Variants in INPP5B observed in about 807,000 individuals in gnomAD.
INPP5B encodes inositol polyphosphate-5-phosphatase B.
A neutral mutation model predicts 118.5 loss-of-function variants in INPP5B; 90 were observed. That is an observed-to-expected ratio of 0.76 (90% CI 0.64 to 0.90). The LOEUF (loss-of-function observed/expected upper bound fraction) is 0.90, where lower values mean the gene tolerates loss of function less well. Ranked by LOEUF, INPP5B falls within the 40% of genes least tolerant of loss-of-function variation. The pLI is 0.00. For synonymous variants in INPP5B, 385 were observed against 418.9 expected (o/e 0.92, Z 0.99); for missense variants, 984 against 1,125.6 (o/e 0.87, Z 1.80).
At position 37,866,654 on chromosome 1, in the gene INPP5B, C is replaced by A. The variant is rs561468527; in HGVS notation, c.2302-111G>T. 268 of 693,724 alleles carry A rather than the reference C, an allele frequency of 3.9e-4. 1 individual carries two copies. The highest frequency in any genetic ancestry group is 2.3e-3 in the South Asian group (146 of 62,590). The allele number at this position is 693,724 out of a possible 1,614,324, so 43.0% of individuals were successfully genotyped here. A position where few individuals can be genotyped will look rare whatever the true frequency, so the allele number is the denominator to read the frequency against. On this transcript the variant is annotated intron_variant, in intron 20 of 23. Transcript: ENST00000373024. ...TGCAAAAAGGAGCAGTGTGGTGAGG[C>A]CTCTGAATCACCTGACAGATGATCT... is the stretch of plus-strand genomic sequence containing the variant.
intron 7 of INPP5B, among the ~76,000 whole-genome samples, chr1:37,920,832 C>T (rs551057730): frequency 1.3e-5 from 2 of 150,520 alleles, no homozygotes; most frequent in Non-Finnish European, 1.5e-5. Flanking sequence ...CTCGGCCAGG[C>T]GCGGTGGCTC....
Position 37,866,559 on chromosome 1 carries a change from C to T in INPP5B, c.2302-16G>A. ...ACAGATCTTCCTGCAAAAGGGAAGACAGTAACAAAATAATTATTTTCTCAG... is the reference window on the plus strand; with the variant it reads ...ACAGATCTTCCTGCAAAAGGGAAGATAGTAACAAAATAATTATTTTCTCAG... On this transcript the variant is annotated splice_polypyrimidine_tract_variant and intron_variant, in intron 20 of 23. Transcript: ENST00000373024. 2.0e-6 allele frequency: 3 copies of T among 1,470,364 alleles called. No individual in the cohort carries two copies. The highest frequency in any genetic ancestry group is 2.9e-6 in the Non-Finnish European group (3 of 1,049,132). The allele number at this position is 1,470,364 out of a possible 1,614,324, so 91.1% of individuals were successfully genotyped here. A position where few individuals can be genotyped will look rare whatever the true frequency, so the allele number is the denominator to read the frequency against.
At chr1:37,925,533 G>C (rs976247018) in intron 7 of INPP5B, among the ~76,000 whole-genome samples, 1 of 152,222 alleles carries the variant, frequency 6.6e-6, no homozygotes, top group Non-Finnish European at 1.5e-5. Context: ...CCACTGTGCC[G>C]GGCTAACAGT....
chr1:37,939,194 CAAAAAAA>C (rs34249747), intron 6 of INPP5B, among the ~76,000 whole-genome samples: 5 of 73,034 alleles, frequency 6.8e-5, no homozygotes, highest in Non-Finnish European at 7.9e-5. Context: ...AACTCCGTCT[CAAAAAAA>C]AAAAAAAAAA....
At chr1:37,941,144 T>C (rs1206613647) in intron 5 of INPP5B, among the ~76,000 whole-genome samples, 3 of 152,110 alleles carry the variant, frequency 2.0e-5, no homozygotes, top group South Asian at 4.1e-4. Context: ...AGAGGGAATG[T>C]CCATGGGTCA....
In INPP5B at chr1:37,884,295, A is replaced by C. The variant is rs2148501282; in HGVS notation, c.1319+1343T>G. On this transcript the variant is annotated intron_variant, in intron 13 of 23. Transcript: ENST00000373024. ...TGCTGTTTTGTCATATTCTCTGCTCAAAATAAACTTTTCCTTCTCCTTTCT... is the reference window on the plus strand; with the variant it reads ...TGCTGTTTTGTCATATTCTCTGCTCCAAATAAACTTTTCCTTCTCCTTTCT... The C allele has an allele frequency of 3.9e-5, 6 of 152,232 alleles. No homozygotes were observed. The South Asian group carries it at 1.2e-3, about 32-fold the overall frequency. 9.4% of individuals were successfully genotyped at this position (152,232 alleles called of 1,614,324 possible).
At chr1:37,897,235 C>T (rs1336711531) in intron 7 of INPP5B, among the ~76,000 whole-genome samples, 1 of 151,240 alleles carries the variant, frequency 6.6e-6, no homozygotes, top group African/African-American at 2.4e-5. Context: ...GGGAGGTGTA[C>T]CCAACAGCTC....
chr1:37,867,363 T>A (rs1261317138), intron 20 of INPP5B, among the ~76,000 whole-genome samples: 1 of 152,242 alleles, frequency 6.6e-6, no homozygotes, highest in Non-Finnish European at 1.5e-5. Flanking sequence ...GCTCAAAAGT[T>A]CCATTTGAAA....
intron 10 of INPP5B, 64 bp downstream of exon 10, chr1:37,888,179 C>A: frequency 3.0e-6 from 3 of 1,003,848 alleles, no homozygotes; most frequent in South Asian, 5.1e-5. Context: ...TTGTGAAGAC[C>A]CATCCTTCAA....
intron 16 of INPP5B, among the ~76,000 whole-genome samples, chr1:37,876,445 G>C (rs1389384361): frequency 6.7e-6 from 1 of 149,456 alleles, no homozygotes; most frequent in East Asian, 2.0e-4. Context: ...AAATGAGAAG[G>C]CTCATGCCTG....
At position 37,915,534 on chromosome 1, in the gene INPP5B, T is replaced by C. The variant is rs115875619; in HGVS notation, c.532+16379A>G. Among the ~76,000 whole-genome samples the C allele has an allele frequency of 4.4e-3, 673 of 152,260 alleles. 7 individuals are homozygous for C. The highest frequency in any genetic ancestry group is 0.016 in the African/African-American group (652 of 41,546). On this transcript the variant is annotated intron_variant, in intron 7 of 23. Coordinates refer to ENST00000373024, the MANE Select transcript of INPP5B (RefSeq NM_005540.3). ...GGACTTCAGAACTGCTGATAAGGGA[T>C]TGAGGATGGTAGTTAATGAGCATGG...
In INPP5B at chr1:37,917,042, G is replaced by C. The variant is rs1441527415; in HGVS notation, c.532+14871C>G. 2.0e-5 allele frequency among the ~76,000 whole-genome samples: 3 copies of C among 150,828 alleles called. No homozygotes were observed. In the East Asian group the frequency reaches 6.2e-4, roughly 31 times the overall value. On this transcript the variant is annotated intron_variant, in intron 7 of 23. Transcript: ENST00000373024. ...CCAGTGGCTCATGCCTGTAATCCTAGCACTTTGGGAGGCCGAGGCAAGCAG... is the reference window on the plus strand; with the variant it reads ...CCAGTGGCTCATGCCTGTAATCCTACCACTTTGGGAGGCCGAGGCAAGCAG...
chr1:37,864,775 A>G, intron 22 of INPP5B: 1 of 171,244 alleles, frequency 5.8e-6, no homozygotes, highest in South Asian at 1.6e-4. Flanking sequence ...GTAAGTAGAG[A>G]GAACACTTTA....
At chr1:37,903,062 C>T (rs1644387421) in intron 7 of INPP5B, among the ~76,000 whole-genome samples, 1 of 152,038 alleles carries the variant, frequency 6.6e-6, no homozygotes. Flanking sequence ...TAACTTAAAT[C>T]ATTTTATCAG....
Position 37,880,103 on chromosome 1 carries a change from G to A in INPP5B, c.1523C>T (p.Ser508Phe). 2 of 1,609,490 alleles carry A rather than the reference G, an allele frequency of 1.2e-6. No homozygotes were observed. Among genetic ancestry groups the A allele is most frequent in the Non-Finnish European group, 1.7e-6 (2 of 1,176,570 alleles). The change falls in exon 15 of 24, where the codon TCT becomes TTT. Residue 508 changes from serine (S) to phenylalanine (F), a missense_variant. Ser to Phe is a radical substitution (Grantham distance 155, BLOSUM62 -2). This residue lies in a region of INPP5B where 634 missense variants were observed against 791.0 expected (regional missense o/e 0.80). Coordinates refer to ENST00000373024, the MANE Select transcript of INPP5B (RefSeq NM_005540.3). The stretch of plus-strand genomic sequence containing the variant: ...GACCTACCTGGTATCCCAGTCGTCA[G>A]AGCCCGTATCATACTTGTAAGTAGG... ...FQPTYKYDTG[S>F]DDWDTSEKCR...
chr1:37,873,102 G>C lies in INPP5B; in HGVS notation c.2015C>G (p.Ser672Trp). The C allele has an allele frequency of 1.2e-6, 2 of 1,614,036 alleles. No homozygotes were observed. The highest frequency in any genetic ancestry group is 2.2e-5 in the East Asian group (1 of 44,878). ...AATGTCCTCAATTTTGTCTTCACCCGAGTTGAGCTTTGTAGCTGTCATCTT... is the reference window on the plus strand; with the variant it reads ...AATGTCCTCAATTTTGTCTTCACCCCAGTTGAGCTTTGTAGCTGTCATCTT... ...VNKMTATKLN[S>W]GEDKIEDILV... The change falls in exon 19 of 24, where the codon TCG (serine) becomes TGG (tryptophan). Residue 672 changes from serine (S) to tryptophan (W), a missense_variant. By Grantham distance (177) the Ser-to-Trp change is radical. This residue lies in a region of INPP5B where 634 missense variants were observed against 791.0 expected (regional missense o/e 0.80). Transcript: ENST00000373024.
intron 19 of INPP5B, among the ~76,000 whole-genome samples, chr1:37,871,527 G>A (rs1642437359): frequency 6.6e-6 from 1 of 152,042 alleles, no homozygotes; most frequent in Admixed American, 6.6e-5. Context: ...CAACACTTTG[G>A]AAAGCTGAGG....
Position 37,876,552 on chromosome 1 carries a change from TAAAAAAAAA to T in INPP5B, c.1678-845_1678-837del, listed in dbSNP as rs34854182. ...GCAAGACAGCAAGATGCTGTCTCTT[TAAAAAAAAA>T]AAAAAAAAAAAAAAAAAAAAGGGCC... On this transcript the variant is annotated intron_variant, in intron 16 of 23. Coordinates refer to ENST00000373024, the MANE Select transcript of INPP5B (RefSeq NM_005540.3). Among the ~76,000 whole-genome samples, 5 of 54,592 alleles carry T rather than the reference TAAAAAAAAA, an allele frequency of 9.2e-5. No individual in the cohort carries two copies. The East Asian group carries it at 3.1e-3, about 34-fold the overall frequency. 35.8% of individuals were successfully genotyped at this position (54,592 alleles called of 152,430 possible). A position where few individuals can be genotyped will look rare whatever the true frequency, so the allele number is the denominator to read the frequency against.
chr1:37,927,390 C>G (rs904028503), intron 7 of INPP5B, among the ~76,000 whole-genome samples: 3 of 152,158 alleles, frequency 2.0e-5, no homozygotes, highest in Non-Finnish European at 4.4e-5. Flanking sequence ...GCAAGCTGGG[C>G]TTGGCAAGAG....
Sources: allele counts gnomAD v4.1 joint callset (sites outside exome capture counted in the v4.1 genomes callset), GRCh38; gene constraint gnomAD v4.1.1; regional missense constraint gnomAD v4.1.1; transcripts MANE v1.5; gene names NCBI Gene and HGNC (gene_info 2026-07-23, HGNC 2026-07-21).